PRRX1: variants seen among roughly 807,000 people sequenced by gnomAD.
PRRX1 encodes the protein paired mesoderm homeobox protein 1.
PRRX1 carries 8 observed loss-of-function variants against 24.0 expected under a neutral mutation model. The ratio of observed to expected loss-of-function variants is 0.33; its 90% CI spans 0.20 to 0.60. The LOEUF (loss-of-function observed/expected upper bound fraction) is 0.60, where lower values mean the gene tolerates loss of function less well. PRRX1 is among the 20% of genes least tolerant of loss of function. PRRX1 has a pLI of 0.82. For missense variants in PRRX1, 281 were observed against 322.4 expected (o/e 0.87, Z 0.98); for synonymous variants, 160 against 131.7 (o/e 1.22, Z -1.47).
At chr1:170,733,084 C>A (rs1309859908) in intron 3 of PRRX1, among the ~76,000 whole-genome samples, 1 of 152,126 alleles carries the variant, frequency 6.6e-6, no homozygotes, top group Non-Finnish European at 1.5e-5. Context: ...CATTAACATT[C>A]ATCTCATTTG....
chr1:170,682,445 A>C (rs180944258), intron 1 of PRRX1, among the ~76,000 whole-genome samples: 26 of 152,280 alleles, frequency 1.7e-4, no homozygotes, highest in African/African-American at 4.3e-4. Flanking sequence ...TGAAGAGGAA[A>C]TAAGGTACTG....
intron 1 of PRRX1, among the ~76,000 whole-genome samples, chr1:170,706,558 C>A (rs1473372559): frequency 6.6e-6 from 1 of 152,112 alleles, no homozygotes; most frequent in Admixed American, 6.5e-5. Context: ...ACTGACGTTC[C>A]CCCGTACCCC....
Position 170,736,145 on chromosome 1 carries a change from G to C in PRRX1, c.697G>C (p.Glu233Gln), listed in dbSNP as rs755246526. Residue 233 changes from glutamate (E) to glutamine (Q), a missense_variant, in exon 4 of 4, where the codon GAA (glutamate) becomes CAA (glutamine). Glu to Gln is a conservative substitution (Grantham distance 29). Transcript: ENST00000239461. Reference sequence around the variant, plus strand: ...TGCCAACCTGAGACTGAAGGCCAAGGAATATAGTTTACAGAGGAACCAGGT... The same window carrying C: ...TGCCAACCTGAGACTGAAGGCCAAGCAATATAGTTTACAGAGGAACCAGGT... ...SIANLRLKAK[E>Q]YSLQRNQVPT... is the part of the protein sequence containing the mutation. 1 of 1,614,024 alleles carries C rather than the reference G, an allele frequency of 6.2e-7. No individual in the cohort carries two copies. Among genetic ancestry groups the C allele is most frequent in the African/African-American group, 1.3e-5 (1 of 74,916 alleles).
chr1:170,682,746 GA>G (rs1653597468), intron 1 of PRRX1, among the ~76,000 whole-genome samples: 1 of 151,882 alleles, frequency 6.6e-6, no homozygotes, highest in Admixed American at 6.6e-5. Flanking sequence ...TTCTCCTGGG[GA>G]AAAAAGGCAA....
intron 2 of PRRX1, among the ~76,000 whole-genome samples, chr1:170,723,099 A>T (rs1160072168): frequency 6.6e-6 from 1 of 152,212 alleles, no homozygotes; most frequent in Middle Eastern, 3.2e-3. Flanking sequence ...AGATGATATA[A>T]AACGAGGCAA....
At chr1:170,735,986 G>T in intron 3 of PRRX1, 62 bp from the exon 4 acceptor site, 1 of 1,604,538 alleles carries the variant, frequency 6.2e-7, no homozygotes, top group South Asian at 1.1e-5. Context: ...CTGGGGCACA[G>T]ACTTGCAGCT....
chr1:170,708,231 G>A (rs1299349352), intron 1 of PRRX1, among the ~76,000 whole-genome samples: 4 of 152,104 alleles, frequency 2.6e-5, no homozygotes, highest in African/African-American at 9.7e-5. Context: ...CTATTAACAA[G>A]GACTTCTTTA....
chr1:170,720,257 GAC>G (rs1212486624), intron 2 of PRRX1, among the ~76,000 whole-genome samples: 1 of 152,076 alleles, frequency 6.6e-6, no homozygotes, highest in Non-Finnish European at 1.5e-5. Context: ...CAGCCTGGGT[GAC>G]AGAGTGAGAC....
chr1:170,698,897 G>A (rs1351168957), intron 1 of PRRX1, among the ~76,000 whole-genome samples: 3 of 152,202 alleles, frequency 2.0e-5, no homozygotes, highest in South Asian at 4.2e-4. Context: ...AAGGGGCCCC[G>A]GGCTATTAGC....
intron 2 of PRRX1, among the ~76,000 whole-genome samples, chr1:170,722,095 C>T (rs922310918): frequency 6.6e-6 from 1 of 152,058 alleles, no homozygotes; most frequent in Non-Finnish European, 1.5e-5. Flanking sequence ...TCCCACCTTG[C>T]TATGATTTAA....
chr1:170,674,373 A>T (rs983886328), intron 1 of PRRX1, among the ~76,000 whole-genome samples: 2 of 152,104 alleles, frequency 1.3e-5, no homozygotes, highest in African/African-American at 4.8e-5. Context: ...CTGACTTCTG[A>T]TGTGAAGTGT....
intron 3 of PRRX1, among the ~76,000 whole-genome samples, chr1:170,734,970 G>A (rs1655556396): frequency 1.3e-5 from 2 of 152,130 alleles, no homozygotes; most frequent in Non-Finnish European, 2.9e-5. Context: ...CCATTGGAAT[G>A]CAGGCAACAG....
chr1:170,710,400 A>G (rs1162081649), intron 1 of PRRX1, among the ~76,000 whole-genome samples: 1 of 152,176 alleles, frequency 6.6e-6, no homozygotes, highest in East Asian at 1.9e-4. Flanking sequence ...GGCTAACATC[A>G]CAGGCTTTCC....
chr1:170,678,111 A>G (rs1461299057), intron 1 of PRRX1, among the ~76,000 whole-genome samples: 2 of 152,200 alleles, frequency 1.3e-5, no homozygotes, highest in Non-Finnish European at 2.9e-5. Context: ...GTTAACTATA[A>G]TTATACATAA....
chr1:170,736,389 T>A lies in PRRX1; in HGVS notation c.*203T>A, dbSNP rs1655604638. On this transcript the variant is annotated 3_prime_UTR_variant, in exon 4 of 4. Coordinates refer to ENST00000239461, the MANE Select transcript of PRRX1 (RefSeq NM_022716.4). Reference sequence around the variant, plus strand: ...AGTTAACAAATGTTCCTCCTCCCTCTGGGATACCACCACCACTTGTTTCTG... The same window carrying A: ...AGTTAACAAATGTTCCTCCTCCCTCAGGGATACCACCACCACTTGTTTCTG... The A allele has an allele frequency of 1.5e-6, 1 of 654,116 alleles. No homozygotes were observed. The highest frequency in any genetic ancestry group is 2.9e-5 in the Admixed American group (1 of 34,724). 40.5% of individuals were successfully genotyped at this position (654,116 alleles called of 1,614,324 possible).
intron 1 of PRRX1, among the ~76,000 whole-genome samples, chr1:170,700,686 C>T (rs1308612306): frequency 6.6e-6 from 1 of 152,094 alleles, no homozygotes; most frequent in African/African-American, 2.4e-5. Flanking sequence ...CCAGCCAAAA[C>T]CAAACTCCAA....
chr1:170,735,798 C>A (rs1027654423), intron 3 of PRRX1, among the ~76,000 whole-genome samples: 9 of 152,162 alleles, frequency 5.9e-5, no homozygotes, highest in Non-Finnish European at 1.3e-4. Flanking sequence ...GTATCCACCA[C>A]AACAAATACC....
chr1:170,685,445 G>A (rs540253792), intron 1 of PRRX1, among the ~76,000 whole-genome samples: 1 of 152,276 alleles, frequency 6.6e-6, no homozygotes, highest in Non-Finnish European at 1.5e-5. Flanking sequence ...CCATCTGCAA[G>A]ACACATTTAG....
intron 1 of PRRX1, among the ~76,000 whole-genome samples, chr1:170,689,655 T>A (rs145566923): frequency 3.9e-5 from 6 of 152,092 alleles, no homozygotes; most frequent in Non-Finnish European, 4.4e-5. Flanking sequence ...CTGATACTTA[T>A]CAGCTTTAAA....
Sources: gnomAD v4.1 joint callset for allele counts (sites outside exome capture counted in the v4.1 genomes callset) on GRCh38, gnomAD v4.1.1 for gene constraint, MANE v1.5 for transcripts, NCBI Gene and HGNC (gene_info 2026-07-23, HGNC 2026-07-21) for gene names.